Variants in IQCM observed in about 807,000 individuals in gnomAD.
The protein encoded by IQCM is IQ motif containing M, also known as IQ domain-containing protein M.
Under a neutral mutation model 57.6 loss-of-function variants are expected in IQCM, and 45 were observed. The observed-to-expected ratio is 0.78, with a 90% CI of 0.62 to 1.00. The LOEUF (loss-of-function observed/expected upper bound fraction) is 1.00, where lower values mean the gene tolerates loss of function less well. Among genes scored for constraint, IQCM ranks in the 50% least tolerant of loss-of-function variants. The pLI, the probability that IQCM is intolerant of heterozygous loss-of-function variation, is 0.00. For missense variants in IQCM, 468 were observed against 511.6 expected, an observed-to-expected ratio of 0.91 and a Z score of 0.82; for synonymous variants, 148 against 158.9, an observed-to-expected ratio of 0.93 and a Z score of 0.51.
Position 149,548,424 on chromosome 4 carries a change from AG to A in IQCM, c.1228+30del, listed in dbSNP as rs890639196. 57 of 1,230,052 alleles carry A rather than the reference AG, an allele frequency of 4.6e-5. No individual in the cohort carries two copies. The African/African-American group carries it at 8.4e-4, about 18-fold the overall frequency. The allele number at this position is 1,230,052 out of a possible 1,614,324, so 76.2% of individuals were successfully genotyped here. On this transcript the variant is annotated intron_variant, in intron 12 of 13. Coordinates refer to ENST00000636793, the MANE Select transcript of IQCM (RefSeq NM_001363507.2). The stretch of plus-strand genomic sequence containing the variant: ...AAAGAAAGAAGTTGAAAGGAAAAGA[AG>A]GGGGGAAAAAGAAATGAGAAACTAC...
chr4:149,412,598 G>T (rs1350163004), intron 13 of IQCM, among the ~76,000 whole-genome samples: 5 of 152,144 alleles, frequency 3.3e-5, no homozygotes, highest in Admixed American at 3.3e-4. Flanking sequence ...AGGTGCTGTA[G>T]ATAGAAAGAT....
intron 12 of IQCM, among the ~76,000 whole-genome samples, chr4:149,493,757 C>T (rs747496817): frequency 9.3e-5 from 14 of 151,068 alleles, no homozygotes; most frequent in Non-Finnish European, 1.9e-4. Context: ...TGCAAACACA[C>T]AGAAAAATAA....
intron 12 of IQCM, among the ~76,000 whole-genome samples, chr4:149,464,360 C>T (rs922070524): frequency 6.6e-6 from 1 of 152,162 alleles, no homozygotes; most frequent in African/African-American, 2.4e-5. Flanking sequence ...CAGATCCTTC[C>T]TATCCCGCAA....
intron 13 of IQCM, among the ~76,000 whole-genome samples, chr4:149,382,478 T>C (rs920189008): frequency 3.9e-5 from 6 of 152,126 alleles, no homozygotes; most frequent in Admixed American, 2.6e-4. Context: ...CTGATTATAA[T>C]GAAATTGGCA....
At chr4:149,666,405 C>T (rs13150197) in intron 7 of IQCM, among the ~76,000 whole-genome samples, 22,401 of 152,146 alleles carry the variant, frequency 0.15, 2,347 homozygotes, top group Non-Finnish European at 0.22. Context: ...CCAGATACTA[C>T]GCTTTTCCCA....
intron 13 of IQCM, among the ~76,000 whole-genome samples, chr4:149,406,689 T>G (rs948633044): frequency 6.6e-6 from 1 of 152,162 alleles, no homozygotes; most frequent in African/African-American, 2.4e-5. Context: ...GAATTATTTA[T>G]TGATGAATTC....
chr4:149,465,494 C>T (rs1738760415), intron 12 of IQCM, among the ~76,000 whole-genome samples: 1 of 152,080 alleles, frequency 6.6e-6, no homozygotes, highest in Non-Finnish European at 1.5e-5. Flanking sequence ...AACTATCTCC[C>T]CAAAGAGCTT....
intron 13 of IQCM, among the ~76,000 whole-genome samples, chr4:149,397,051 T>A (rs1315321023): frequency 6.6e-6 from 1 of 151,974 alleles, no homozygotes; most frequent in Non-Finnish European, 1.5e-5. Context: ...ATTCTTTTGG[T>A]TATATACCTA....
chr4:149,733,357 T>G lies in IQCM; in HGVS notation c.272A>C (p.Lys91Thr). The change falls in exon 5 of 14, where the codon AAG becomes ACG. Residue 91 changes from lysine (K) to threonine (T), a missense_variant. Physicochemically the swap from Lys to Thr is moderately conservative, Grantham distance 78. Coordinates refer to ENST00000636793, the MANE Select transcript of IQCM (RefSeq NM_001363507.2). ...RAALRRICFP[K>T]ELSKSEHLQE... Reference sequence around the variant, plus strand: ...AAGATGCTCGCTTTTGGAAAGCTCCTTGGGAAAGCAAATCCTTCTGAGTGC... The same window carrying G: ...AAGATGCTCGCTTTTGGAAAGCTCCGTGGGAAAGCAAATCCTTCTGAGTGC... The G allele has an allele frequency of 5.7e-6, 7 of 1,231,820 alleles. No individual in the cohort carries two copies. Among genetic ancestry groups the G allele is most frequent in the Non-Finnish European group, 7.1e-6 (7 of 987,760 alleles). The allele number at this position is 1,231,820 out of a possible 1,614,324, so 76.3% of individuals were successfully genotyped here.
At chr4:149,791,262 C>T (rs1246444488) in intron 2 of IQCM, among the ~76,000 whole-genome samples, 1 of 151,950 alleles carries the variant, frequency 6.6e-6, no homozygotes, top group Non-Finnish European at 1.5e-5. Flanking sequence ...TATTGACTCT[C>T]ATTATTTTTA....
chr4:149,470,157 C>T (rs1357633008), intron 12 of IQCM, among the ~76,000 whole-genome samples: 1 of 152,058 alleles, frequency 6.6e-6, no homozygotes, highest in African/African-American at 2.4e-5. Context: ...CTAAATGCTC[C>T]AATTTAAAGA....
chr4:149,621,232 T>C lies in IQCM; in HGVS notation c.578A>G (p.Tyr193Cys). 2 of 1,229,588 alleles carry C rather than the reference T, an allele frequency of 1.6e-6. No homozygotes were observed. Among genetic ancestry groups the C allele is most frequent in the East Asian group, 3.2e-5 (1 of 31,682 alleles). 76.2% of individuals were successfully genotyped at this position (1,229,588 alleles called of 1,614,324 possible). A position where few individuals can be genotyped will look rare whatever the true frequency, so the allele number is the denominator to read the frequency against. ...TGTCAGCACAAATCCTCTCCAGTCA[T>C]AGAATGCTTTGTCTGTTAGAAATAT... ...ELLKEPDKAF[Y>C]DWRGFVLTRS... The change falls in exon 8 of 14, where the codon TAT becomes TGT. Residue 193 changes from tyrosine to cysteine, a missense_variant. Tyr to Cys is a radical substitution (Grantham distance 194, BLOSUM62 -2). Transcript: ENST00000636793.
At chr4:149,405,691 T>C (rs1469997104) in intron 13 of IQCM, among the ~76,000 whole-genome samples, 3 of 151,794 alleles carry the variant, frequency 2.0e-5, no homozygotes, top group Admixed American at 6.6e-5. Flanking sequence ...TAGCTCTGAA[T>C]AGCTTCTGAA....
At chr4:149,634,075 T>C (rs931249351) in intron 7 of IQCM, among the ~76,000 whole-genome samples, 1 of 152,186 alleles carries the variant, frequency 6.6e-6, no homozygotes, top group Non-Finnish European at 1.5e-5. Context: ...AGTAGCATGA[T>C]CTCGGCTCAC....
chr4:149,503,241 A>G (rs1743450306), intron 12 of IQCM, among the ~76,000 whole-genome samples: 1 of 152,150 alleles, frequency 6.6e-6, no homozygotes, highest in Non-Finnish European at 1.5e-5. Context: ...ATTAAATACA[A>G]TAATATGAAT....
chr4:149,645,690 G>A (rs755315194), intron 7 of IQCM, among the ~76,000 whole-genome samples: 19 of 151,950 alleles, frequency 1.3e-4, no homozygotes, highest in Non-Finnish European at 2.8e-4. Context: ...TATATCAAAT[G>A]TGCATATGGG....
chr4:149,545,034 A>G (rs1274820975), intron 12 of IQCM, among the ~76,000 whole-genome samples: 1 of 151,598 alleles, frequency 6.6e-6, no homozygotes, highest in East Asian at 1.9e-4. Context: ...AGAAGCAAAA[A>G]CAAACAAACA....
intron 12 of IQCM, among the ~76,000 whole-genome samples, chr4:149,471,000 C>T (rs1055535019): frequency 2.6e-5 from 4 of 152,056 alleles, no homozygotes; most frequent in African/African-American, 9.7e-5. Context: ...GCACTAAATG[C>T]CCACAAGAGA....
chr4:149,482,783 T>C (rs1244419110), intron 12 of IQCM, among the ~76,000 whole-genome samples: 9 of 151,766 alleles, frequency 5.9e-5, no homozygotes, highest in Admixed American at 5.9e-4. Flanking sequence ...AGGGTAATAC[T>C]GTCTTCATAT....
Sources: gnomAD v4.1 joint callset for allele counts (sites outside exome capture counted in the v4.1 genomes callset) on GRCh38, gnomAD v4.1.1 for gene constraint, MANE v1.5 for transcripts, NCBI Gene and HGNC (gene_info 2026-07-23, HGNC 2026-07-21) for gene names.